The following MAP4K3 variants were observed in gnomAD, a reference collection of about 807,000 sequenced individuals.
MAP4K3 encodes the protein mitogen-activated protein kinase kinase kinase kinase 3.
MAP4K3 carries 94 observed loss-of-function variants against 143.5 expected under a neutral mutation model. The observed-to-expected ratio is 0.65, with a 90% confidence interval of 0.55 to 0.78. The LOEUF (loss-of-function observed/expected upper bound fraction) is 0.78. Among genes scored for constraint, MAP4K3 ranks in the 30% least tolerant of loss-of-function variants. The pLI is 0.00. For synonymous variants in MAP4K3, 416 were observed against 347.2 expected (o/e 1.20, Z -2.20); for missense variants, 1,077 against 1,068.1 (o/e 1.01, Z -0.12).
intron 28 of MAP4K3, among the ~76,000 whole-genome samples, chr2:39,264,651 T>C (rs3770672): frequency 0.69 from 105,124 of 152,110 alleles, 39,913 homozygotes; most frequent in Non-Finnish European, 0.84. Context: ...ACTGAGCCTG[T>C]ACTTCACACA....
At position 39,284,759 on chromosome 2, in the gene MAP4K3, A is replaced by C. The variant is rs577521036; in HGVS notation, c.1587+2093T>G. Among the ~76,000 whole-genome samples, 12 of 151,886 alleles carry C rather than the reference A, an allele frequency of 7.9e-5. No homozygotes were observed. The East Asian group carries it at 2.4e-3, about 30-fold the overall frequency. ...CTCAGGAGGCTGAGGCAGGAGAATCACTTGAACCCAGAAGGTGGAGGTTGC... is the reference window on the plus strand; with the variant it reads ...CTCAGGAGGCTGAGGCAGGAGAATCCCTTGAACCCAGAAGGTGGAGGTTGC... On this transcript the variant is annotated intron_variant, in intron 21 of 33. Coordinates refer to ENST00000263881, the MANE Select transcript of MAP4K3 (RefSeq NM_003618.4).
intron 15 of MAP4K3, among the ~76,000 whole-genome samples, chr2:39,307,215 G>C (rs575970034): frequency 6.6e-6 from 1 of 152,186 alleles, no homozygotes; most frequent in East Asian, 1.9e-4. Flanking sequence ...GGGGTAACTT[G>C]GGGCTCTCGC....
intron 1 of MAP4K3, among the ~76,000 whole-genome samples, chr2:39,408,362 CA>C (rs769329416): frequency 2.0e-5 from 3 of 151,960 alleles, no homozygotes; most frequent in Non-Finnish European, 2.9e-5. Context: ...GCATCTAGAT[CA>C]GGGGGTCATA....
chr2:39,324,720 C>A (rs950071885), intron 12 of MAP4K3, among the ~76,000 whole-genome samples: 31 of 152,186 alleles, frequency 2.0e-4, no homozygotes, highest in Admixed American at 2.0e-3. Context: ...GTTACAGACC[C>A]AATAACAGAA....
chr2:39,344,561 C>T (rs926591508), intron 3 of MAP4K3, among the ~76,000 whole-genome samples: 2 of 152,158 alleles, frequency 1.3e-5, no homozygotes, highest in Non-Finnish European at 2.9e-5. Context: ...GTCGTGGTGA[C>T]AGAGACCATG....
intron 29 of MAP4K3, among the ~76,000 whole-genome samples, chr2:39,259,446 T>A (rs537687606): frequency 2.0e-5 from 3 of 152,152 alleles, no homozygotes; most frequent in African/African-American, 7.2e-5. Context: ...AGTGAAGTGA[T>A]GGAAGATGAT....
At position 39,428,611 on chromosome 2, in the gene MAP4K3, G is replaced by T. The variant is rs538680330; in HGVS notation, c.96+8281C>A. 1.1e-4 allele frequency among the ~76,000 whole-genome samples: 17 copies of T among 151,924 alleles called. No homozygotes were observed. In the East Asian group the frequency reaches 1.6e-3, roughly 14 times the overall value. ...GAAGTGCTTGAACCCGGAAGGCAGA[G>T]GTTGCAGTGAGCTGAGATCATGCCA... On this transcript the variant is annotated intron_variant, in intron 1 of 33. Transcript: ENST00000263881.
chr2:39,388,013 A>G (rs544086324), intron 1 of MAP4K3, among the ~76,000 whole-genome samples: 1 of 152,380 alleles, frequency 6.6e-6, no homozygotes, highest in African/African-American at 2.4e-5. Context: ...CAGTTCCAAC[A>G]TATCAGTAAT....
chr2:39,287,721 T>TA (rs1681859659), intron 20 of MAP4K3, among the ~76,000 whole-genome samples: 2 of 152,182 alleles, frequency 1.3e-5, no homozygotes, highest in African/African-American at 4.8e-5. Context: ...ATACCAATTA[T>TA]TTTTTTAGAA....
chr2:39,368,319 C>G (rs908915375), intron 2 of MAP4K3, among the ~76,000 whole-genome samples: 8 of 151,824 alleles, frequency 5.3e-5, no homozygotes, highest in African/African-American at 1.7e-4. Context: ...ATACAATGGG[C>G]AAAAAATTTT....
At position 39,272,514 on chromosome 2, in the gene MAP4K3, T is replaced by C; in HGVS notation, c.1823A>G (p.Tyr608Cys). ...QLFPRRCTWLYVMNNCLLSIS... is the reference protein window; with the variant it reads ...QLFPRRCTWLCVMNNCLLSIS... Reference sequence around the variant, plus strand: ...TGATAGCAAGCAATTGTTCATTACATACAACCATGTACACCTTCGAGGGAA... The same window carrying C: ...TGATAGCAAGCAATTGTTCATTACACACAACCATGTACACCTTCGAGGGAA... Residue 608 changes from tyrosine to cysteine, a missense_variant, in exon 25 of 34, where the codon TAT becomes TGT. Transcript: ENST00000263881. 3 of 1,613,448 alleles carry C rather than the reference T, an allele frequency of 1.9e-6. No individual in the cohort carries two copies. The highest frequency in any genetic ancestry group is 2.5e-6 in the Non-Finnish European group (3 of 1,179,602).
rs371041224 is a variant in MAP4K3, at chr2:39,359,225, C to T, written c.155-2886G>A. 6.6e-5 allele frequency among the ~76,000 whole-genome samples: 10 copies of T among 152,220 alleles called. No homozygotes were observed. The East Asian group carries it at 1.5e-3, about 24-fold the overall frequency. ...TACAGGCCCCTTGCAAGTCTGAAAT[C>T]CAACAGGATAGTCATTAAATCTTAA... On this transcript the variant is annotated intron_variant, in intron 2 of 33. Transcript: ENST00000263881.
At chr2:39,414,197 C>T (rs1316785137) in intron 1 of MAP4K3, among the ~76,000 whole-genome samples, 1 of 152,184 alleles carries the variant, frequency 6.6e-6, no homozygotes, top group Middle Eastern at 3.4e-3. Context: ...CCATCAAAAG[C>T]CAAAATGAGA....
intron 4 of MAP4K3, among the ~76,000 whole-genome samples, chr2:39,340,025 G>GA: frequency 6.7e-6 from 1 of 148,982 alleles, no homozygotes; most frequent in Non-Finnish European, 1.5e-5. Flanking sequence ...ATGGAAAATA[G>GA]AAAAAAATCC....
intron 1 of MAP4K3, among the ~76,000 whole-genome samples, chr2:39,432,880 G>A (rs1388764506): frequency 6.6e-6 from 1 of 152,110 alleles, no homozygotes; most frequent in Non-Finnish European, 1.5e-5. Context: ...GGCAGCCCGT[G>A]CTTCAGAGGG....
Position 39,437,101 on chromosome 2 carries a change from T to C in MAP4K3, c.-114A>G, listed in dbSNP as rs1665516603. On this transcript the variant is annotated 5_prime_UTR_variant, in exon 1 of 34. Coordinates refer to ENST00000263881, the MANE Select transcript of MAP4K3 (RefSeq NM_003618.4). ...CTCCCGGCTCCCCCGGCGGTCACAA[T>C]CACCCGGCTCCACGCTGCGGCCGCC... The C allele has an allele frequency of 4.6e-6, 3 of 655,988 alleles. No homozygotes were observed. The highest frequency in any genetic ancestry group is 7.1e-6 in the Non-Finnish European group (3 of 424,562). The allele number at this position is 655,988 out of a possible 1,614,324, so 40.6% of individuals were successfully genotyped here.
chr2:39,281,158 A>ATC (rs2148465898), intron 22 of MAP4K3, among the ~76,000 whole-genome samples: 1 of 152,322 alleles, frequency 6.6e-6, no homozygotes, highest in Non-Finnish European at 1.5e-5. Flanking sequence ...TTGGTCAGAG[A>ATC]AAATTTCAGT....
intron 13 of MAP4K3, among the ~76,000 whole-genome samples, chr2:39,311,973 T>C (rs1319311646): frequency 4.0e-5 from 6 of 150,520 alleles, no homozygotes; most frequent in Non-Finnish European, 8.8e-5. Context: ...AAATACAGTA[T>C]TGAATGAAGA....
chr2:39,288,937 A>T (rs1251917246), intron 19 of MAP4K3, among the ~76,000 whole-genome samples: 2 of 152,216 alleles, frequency 1.3e-5, no homozygotes, highest in African/African-American at 4.8e-5. Context: ...CTGTAGTCCC[A>T]GCTACTCAGG....
Sources: allele counts gnomAD v4.1 joint callset (sites outside exome capture counted in the v4.1 genomes callset), GRCh38; gene constraint gnomAD v4.1.1; transcripts MANE v1.5; gene names NCBI Gene and HGNC (gene_info 2026-07-23, HGNC 2026-07-21).